Variants in TNRC6A observed in about 807,000 individuals in gnomAD.
The protein encoded by TNRC6A is trinucleotide repeat-containing gene 6A protein.
A neutral mutation model predicts 221.2 loss-of-function variants in TNRC6A; 44 were observed. The observed-to-expected ratio is 0.20, with a 90% CI of 0.16 to 0.26. The LOEUF is 0.26. Ranked by LOEUF, TNRC6A falls within the 10% of genes least tolerant of loss-of-function variation. The pLI is 1.00. For missense variants in TNRC6A, 2,199 were observed against 2,404.4 expected, an observed-to-expected ratio of 0.91 and a Z score of 1.79; for synonymous variants, 847 against 838.5, an observed-to-expected ratio of 1.01 and a Z score of -0.18.
chr16:24,717,913 GGCGCGT>G (rs1426623047), intron 2 of TNRC6A, among the ~76,000 whole-genome samples: 1 of 151,310 alleles, frequency 6.6e-6, no homozygotes, highest in Non-Finnish European at 1.5e-5. Context: ...CTGGATTATA[GGCGCGT>G]GCCACCACCC....
chr16:24,739,223 T>C (rs1237127878), intron 2 of TNRC6A, among the ~76,000 whole-genome samples: 1 of 152,214 alleles, frequency 6.6e-6, no homozygotes, highest in South Asian at 2.1e-4. Context: ...GCCATCCTAA[T>C]AGATGTAAAG....
At chr16:24,757,442 G>C (rs546772828) in intron 3 of TNRC6A, among the ~76,000 whole-genome samples, 95 of 152,260 alleles carry the variant, frequency 6.2e-4, no homozygotes, top group Non-Finnish European at 1.2e-3. Flanking sequence ...AACAACAACT[G>C]GTTATTCAGT....
chr16:24,686,036 G>C (rs2055619109), intron 2 of TNRC6A, among the ~76,000 whole-genome samples: 1 of 152,170 alleles, frequency 6.6e-6, no homozygotes, highest in South Asian at 2.1e-4. Context: ...GGCCTTGGAG[G>C]AGAGCCCACT....
rs137895525 is a variant in TNRC6A at position 24,721,705 on chromosome 16, G to A, written n.403-29021G>A. Reference sequence around the variant, plus strand: ...GCCTTTGGTCCCAGCTACTCGTGAGGCTGAGGTGGGAAGATGGCTTCAGCC... The same window carrying A: ...GCCTTTGGTCCCAGCTACTCGTGAGACTGAGGTGGGAAGATGGCTTCAGCC... On this transcript the variant is annotated intron_variant and non_coding_transcript_variant, in intron 2 of 2. Coordinates refer to the TNRC6A transcript ENST00000566108. Among the ~76,000 whole-genome samples the A allele has an allele frequency of 1.2e-3, 181 of 152,288 alleles. 1 individual carries two copies. Among genetic ancestry groups the A allele is most frequent in the Non-Finnish European group, 1.9e-3 (132 of 68,030 alleles).
chr16:24,719,708 G>A (rs562693074), intron 2 of TNRC6A, among the ~76,000 whole-genome samples: 1 of 152,014 alleles, frequency 6.6e-6, no homozygotes, highest in East Asian at 1.9e-4. Context: ...GAGTGTGGTA[G>A]TGTCCGTCTG....
In TNRC6A at chr16:24,764,151, T is replaced by G. The variant is rs571122092; in HGVS notation, c.163+5791T>G. On this transcript the variant is annotated intron_variant, in intron 4 of 24. Transcript: ENST00000395799. ...TCTGTTTCTATGTATTTGACTGTTT[T>G]TTTTTTTTAAGATTCCACTTGTAAG... 2.6e-5 allele frequency among the ~76,000 whole-genome samples: 4 copies of G among 152,118 alleles called. No homozygotes were observed. In the East Asian group the frequency reaches 5.8e-4, roughly 22 times the overall value.
At chr16:24,761,059 A>G (rs1333660485) in intron 4 of TNRC6A, among the ~76,000 whole-genome samples, 8 of 152,192 alleles carry the variant, frequency 5.3e-5, no homozygotes, top group Non-Finnish European at 5.9e-5. Flanking sequence ...CTATTCCAGA[A>G]TTCCTGCTTC....
chr16:24,714,964 C>T (rs2056285277), intron 2 of TNRC6A, among the ~76,000 whole-genome samples: 1 of 151,518 alleles, frequency 6.6e-6, no homozygotes, highest in African/African-American at 2.4e-5. Context: ...GCAAGCTCCA[C>T]CTCCCGGGTT....
At chr16:24,677,534 G>C (rs1297452343) in intron 2 of TNRC6A, among the ~76,000 whole-genome samples, 1 of 152,132 alleles carries the variant, frequency 6.6e-6, no homozygotes, top group East Asian at 1.9e-4. Flanking sequence ...AAACATGGGA[G>C]TTCATCCCGA....
In TNRC6A at chr16:24,777,291, A is replaced by G; in HGVS notation, c.522A>G (p.Glu174=). The G allele has an allele frequency of 3.7e-6, 6 of 1,614,184 alleles. No homozygotes were observed. Among genetic ancestry groups the G allele is most frequent in the South Asian group, 1.1e-5 (1 of 91,076 alleles). ...SAVKVLNSQS[E]SSALTNQQPQ... ...TTAAGGTGTTAAACAGCCAGTCAGA[A>G]AGCAGTGCTTTAACAAATCAACAGC... Residue 174 remains glutamate, a synonymous_variant, in exon 5 of 25, where the codon GAA becomes GAG. Transcript: ENST00000395799.
At chr16:24,631,771 C>CAA (rs201846797) in intron 1 of TNRC6A, among the ~76,000 whole-genome samples, 1 of 138,622 alleles carries the variant, frequency 7.2e-6, no homozygotes, top group African/African-American at 2.7e-5. Context: ...GATTCCACCT[C>CAA]AAAAAAAAAA....
At chr16:24,729,948 TC>T in intron 1 of TNRC6A, 102 bp downstream of exon 1, 1 of 1,034,294 alleles carries the variant, frequency 9.7e-7, no homozygotes, top group Non-Finnish European at 1.2e-6. Context: ...GCGCCGGGCG[TC>T]CCCGAGACTT....
intron 2 of TNRC6A, among the ~76,000 whole-genome samples, chr16:24,668,344 CA>C (rs574113069): frequency 1.5e-4 from 17 of 112,166 alleles, no homozygotes; most frequent in Admixed American, 2.7e-4. Context: ...AACTCCATCT[CA>C]AAAAAAAAAG....
intron 2 of TNRC6A, among the ~76,000 whole-genome samples, chr16:24,643,548 A>G (rs1188596726): frequency 1.3e-5 from 2 of 152,002 alleles, no homozygotes; most frequent in African/African-American, 2.4e-5. Flanking sequence ...ATTTTCTTCC[A>G]TCTTCCTGGC....
In TNRC6A at chr16:24,741,587, C is replaced by T. The variant is rs558312565; in HGVS notation, c.54-9139C>T. Among the ~76,000 whole-genome samples the T allele has an allele frequency of 3.9e-5, 6 of 152,170 alleles. No individual in the cohort carries two copies. The South Asian group carries it at 8.3e-4, about 21-fold the overall frequency. ...TGGCCTATAGATTTATCTTTTGATA[C>T]CTTGGTTCTCTTTTGGTACCTGGTA... On this transcript the variant is annotated intron_variant, in intron 2 of 24. Transcript: ENST00000395799.
chr16:24,763,288 C>T (rs2057402040), intron 4 of TNRC6A, among the ~76,000 whole-genome samples: 1 of 152,186 alleles, frequency 6.6e-6, no homozygotes. Context: ...AAGAACCCTT[C>T]ATTTCATCAT....
chr16:24,758,644 G>T (rs2057301111), intron 4 of TNRC6A, among the ~76,000 whole-genome samples: 1 of 152,110 alleles, frequency 6.6e-6, no homozygotes, highest in Non-Finnish European at 1.5e-5. Flanking sequence ...GACTCTTGGG[G>T]CACAGGCACC....
At position 24,790,166 on chromosome 16, in the gene TNRC6A, C is replaced by T. The variant is rs749249590; in HGVS notation, c.1524C>T (p.Ser508=). The change falls in exon 6 of 25, where the codon AGC becomes AGT. Residue 508 remains serine (S), a synonymous_variant. Transcript: ENST00000395799. ...GMNGTSLSHL[S]NGESKSGGSY... ...ATGGCACTTCCCTTTCTCACCTTAG[C>T]AATGGAGAGTCAAAAAGTGGAGGCT... The T allele has an allele frequency of 1.2e-6, 2 of 1,614,202 alleles. No homozygotes were observed. Among genetic ancestry groups the T allele is most frequent in the Non-Finnish European group, 8.5e-7 (1 of 1,180,034 alleles).
rs548838092 is a variant in TNRC6A, at chr16:24,815,015, A to C, written c.4673-132A>C. 1.6e-4 allele frequency: 151 copies of C among 928,142 alleles called. No homozygotes were observed. In the African/African-American group the frequency reaches 2.3e-3, roughly 14 times the overall value. 57.5% of individuals were successfully genotyped at this position (928,142 alleles called of 1,614,324 possible). On this transcript the variant is annotated intron_variant, in intron 18 of 24. Transcript: ENST00000395799. ...TGCGATGTTAGAATCTCAATATAAA[A>C]GAGTTACTCTAGAGAACACAGCCTA... is the stretch of plus-strand genomic sequence containing the variant.
Sources: gnomAD v4.1 joint callset for allele counts (sites outside exome capture counted in the v4.1 genomes callset) on GRCh38, gnomAD v4.1.1 for gene constraint, MANE v1.5 for transcripts, NCBI Gene and HGNC (gene_info 2026-07-23, HGNC 2026-07-21) for gene names.